The following ATOSA variants were observed in gnomAD, a reference collection of about 807,000 sequenced individuals.
ATOSA encodes the protein atos homolog A.
chr15:52,677,770 G>T, the ATOSA span, among the ~76,000 whole-genome samples: 8 of 152,168 alleles, frequency 5.3e-5, no homozygotes, highest in Admixed American at 4.6e-4. Flanking sequence ...TTCATTTTGA[G>T]ATACACTAGA....
chr15:52,608,685 T>A, the ATOSA span: 1 of 1,612,776 alleles, frequency 6.2e-7, no homozygotes, highest in Non-Finnish European at 8.5e-7. Context: ...CTTGTTCATT[T>A]TTTAATTGGT....
At chr15:52,582,402 G>C in the ATOSA span, 2 of 1,064,200 alleles carry the variant, frequency 1.9e-6, no homozygotes, top group Non-Finnish European at 2.6e-6. Context: ...AACAAATCTT[G>C]CTACAATATT....
At chr15:52,605,867 C>T in the ATOSA span, among the ~76,000 whole-genome samples, 1 of 151,970 alleles carries the variant, frequency 6.6e-6, no homozygotes, top group Non-Finnish European at 1.5e-5. Flanking sequence ...CCTGAAACCA[C>T]GTGTAGTACA....
the ATOSA span, chr15:52,658,070 G>C: frequency 6.6e-6 from 1 of 152,160 alleles, no homozygotes; most frequent in Admixed American, 6.5e-5. Context: ...TCTCCAAATA[G>C]ATATTGGTTT....
the ATOSA span, among the ~76,000 whole-genome samples, chr15:52,627,984 C>T: frequency 6.6e-6 from 1 of 152,128 alleles, no homozygotes; most frequent in African/African-American, 2.4e-5. Flanking sequence ...AAAGCTTTGG[C>T]TAATTCTCTA....
the ATOSA span, among the ~76,000 whole-genome samples, chr15:52,696,949 AC>A: frequency 6.6e-6 from 1 of 152,026 alleles, no homozygotes; most frequent in Non-Finnish European, 1.5e-5. Flanking sequence ...AAGATTAAAA[AC>A]CCATGTTCTA....
chr15:52,617,215 G>C, the ATOSA span, among the ~76,000 whole-genome samples: 1 of 152,094 alleles, frequency 6.6e-6, no homozygotes, highest in Non-Finnish European at 1.5e-5. Flanking sequence ...AGAAGAGAAA[G>C]TGATCTCCTC....
At chr15:52,685,692 C>T in the ATOSA span, among the ~76,000 whole-genome samples, 2 of 151,926 alleles carry the variant, frequency 1.3e-5, no homozygotes, top group African/African-American at 2.4e-5. Flanking sequence ...GCCTCGGCCT[C>T]GCAAAGTGCT....
chr15:52,639,593 G>A, the ATOSA span, among the ~76,000 whole-genome samples: 34 of 152,264 alleles, frequency 2.2e-4, no homozygotes, highest in Non-Finnish European at 3.4e-4. Flanking sequence ...ATAGAAAATA[G>A]CTGAAAAAAC....
the ATOSA span, chr15:52,608,871 AT>A: frequency 1.9e-5 from 31 of 1,607,162 alleles, no homozygotes; most frequent in Admixed American, 1.0e-4. Context: ...TTTTTGAGTC[AT>A]TTTTTTTGGA....
the ATOSA span, among the ~76,000 whole-genome samples, chr15:52,662,302 T>C: frequency 6.6e-6 from 1 of 152,182 alleles, no homozygotes; most frequent in Non-Finnish European, 1.5e-5. Context: ...TACATGAAAC[T>C]GAAGGGTATG....
the ATOSA span, among the ~76,000 whole-genome samples, chr15:52,622,865 G>A: frequency 1.3e-5 from 2 of 152,014 alleles, no homozygotes; most frequent in Non-Finnish European, 1.5e-5. Flanking sequence ...GCTCACACCC[G>A]TAATCCCAAC....
the ATOSA span, among the ~76,000 whole-genome samples, chr15:52,623,517 G>T: frequency 6.6e-6 from 1 of 151,868 alleles, no homozygotes; most frequent in Non-Finnish European, 1.5e-5. Flanking sequence ...GAGCCCTGGG[G>T]GACTCCAACA....
chr15:52,603,207 T>C, the ATOSA span, among the ~76,000 whole-genome samples: 1 of 152,066 alleles, frequency 6.6e-6, no homozygotes, highest in Admixed American at 6.6e-5. Context: ...AATATGCAAA[T>C]GGCCAACAGA....
the ATOSA span, among the ~76,000 whole-genome samples, chr15:52,702,944 G>A: frequency 2.0e-5 from 3 of 151,954 alleles, no homozygotes; most frequent in Admixed American, 6.6e-5. Context: ...TCCACACAAC[G>A]ACTTGTACAC....
chr15:52,611,617 G>A, the ATOSA span: 3 of 1,613,982 alleles, frequency 1.9e-6, no homozygotes, highest in South Asian at 3.3e-5. Flanking sequence ...TAATAATAAT[G>A]CATCTTGCTT....
the ATOSA span, among the ~76,000 whole-genome samples, chr15:52,603,507 T>G: frequency 6.6e-6 from 1 of 152,076 alleles, no homozygotes; most frequent in African/African-American, 2.4e-5. Context: ...AAAGGGAAAT[T>G]AGTATATTAA....
the ATOSA span, among the ~76,000 whole-genome samples, chr15:52,685,493 G>C: frequency 1.3e-5 from 2 of 152,088 alleles, no homozygotes; most frequent in Non-Finnish European, 2.9e-5. Context: ...GAGTGCAGTG[G>C]TGTGATCTTG....
At chr15:52,644,761 C>A in the ATOSA span, among the ~76,000 whole-genome samples, 1 of 152,086 alleles carries the variant, frequency 6.6e-6, no homozygotes, top group Admixed American at 6.6e-5. Flanking sequence ...AATGATTAGG[C>A]AATCACTAAA....
Sources: allele counts gnomAD v4.1 joint callset (sites outside exome capture counted in the v4.1 genomes callset), GRCh38; gene constraint gnomAD v4.1.1; transcripts MANE v1.5; gene names NCBI Gene and HGNC (gene_info 2026-07-23, HGNC 2026-07-21).